DENND4C: variants seen among roughly 807,000 people sequenced by gnomAD.
The protein encoded by DENND4C is DENN domain containing 4C.
In DENND4C, 108 loss-of-function variants were observed where a neutral mutation model predicts 203.0. The observed-to-expected ratio is 0.53, with a 90% CI of 0.46 to 0.62. The LOEUF (loss-of-function observed/expected upper bound fraction) is 0.62. Among genes scored for constraint, DENND4C ranks in the 20% least tolerant of loss-of-function variants. The pLI is 0.00. For missense variants in DENND4C, 2,481 were observed against 2,301.2 expected (o/e 1.08, Z -1.60); for synonymous variants, 871 against 792.4 (o/e 1.10, Z -1.67).
rs751998843 is a variant in DENND4C, at chr9:19,332,138, A to G, written c.2414A>G (p.Asp805Gly). 3.1e-6 allele frequency: 5 copies of G among 1,613,992 alleles called. No individual in the cohort carries two copies. Among genetic ancestry groups the G allele is most frequent in the Non-Finnish European group, 2.5e-6 (3 of 1,179,964 alleles). ...GTCAGAGCACTTCAGCAGGCATATG[A>G]TGTACTTATTAAGATGAGGAAAACA... ...PKVRALQQAY[D>G]VLIKMRKTDV... The change falls in exon 17 of 33, where the codon GAT (aspartate) becomes GGT (glycine). Residue 805 changes from aspartate to glycine, a missense_variant. Around this residue, in one of 3 missense-constraint regions of DENND4C, gnomAD observed 2,289 missense variants for 2,113.3 expected, o/e 1.08. Transcript: ENST00000434457.
chr9:19,292,085 T>A (rs1352900277), intron 5 of DENND4C, among the ~76,000 whole-genome samples: 1 of 151,838 alleles, frequency 6.6e-6, no homozygotes, highest in African/African-American at 2.4e-5. Flanking sequence ...AGTGCAGTGG[T>A]GCGATCTCGG....
intron 16 of DENND4C, among the ~76,000 whole-genome samples, chr9:19,331,267 A>G (rs1015734145): frequency 6.6e-6 from 1 of 151,292 alleles, no homozygotes; most frequent in Non-Finnish European, 1.5e-5. Flanking sequence ...CAGTGGCACA[A>G]TCTCAGCTCA....
At chr9:19,334,845 C>G (rs992337479) in intron 17 of DENND4C, 132 bp from the exon 18 acceptor site, 5 of 925,056 alleles carry the variant, frequency 5.4e-6, no homozygotes, top group Non-Finnish European at 7.7e-6. Context: ...AAATAATTTG[C>G]TAAGATGCTC....
intron 2 of DENND4C, among the ~76,000 whole-genome samples, chr9:19,284,803 C>G (rs936686098): frequency 6.6e-6 from 1 of 151,962 alleles, no homozygotes; most frequent in Non-Finnish European, 1.5e-5. Context: ...GGAAGATGAG[C>G]TTTTTGTGAA....
chr9:19,273,988 A>G (rs1019046337), intron 1 of DENND4C, among the ~76,000 whole-genome samples: 10 of 152,082 alleles, frequency 6.6e-5, no homozygotes, highest in Non-Finnish European at 1.5e-4. Context: ...TGATAGTTTC[A>G]CACGGGAAAT....
In DENND4C at chr9:19,374,185, G is replaced by C. The variant is rs191947037; in HGVS notation, c.*2012G>C. 2.1e-4 allele frequency among the ~76,000 whole-genome samples: 32 copies of C among 152,030 alleles called. No homozygotes were observed. The highest frequency in any genetic ancestry group is 7.0e-4 in the African/African-American group (29 of 41,462). On this transcript the variant is annotated 3_prime_UTR_variant, in exon 33 of 33. Transcript: ENST00000434457. ...GTAATCTTTAGAATCCCAATATTTT[G>C]TTTTTTCCATTCCTTCACTCGTAAC...
intron 1 of DENND4C, among the ~76,000 whole-genome samples, chr9:19,274,062 A>G (rs10964077): frequency 1.3e-5 from 2 of 152,062 alleles, no homozygotes; most frequent in African/African-American, 2.4e-5. Context: ...TCAGTAGAAT[A>G]CCACTCAGTA....
chr9:19,241,269 G>A (rs1823630244), intron 1 of DENND4C, among the ~76,000 whole-genome samples: 1 of 152,090 alleles, frequency 6.6e-6, no homozygotes, highest in African/African-American at 2.4e-5. Context: ...GCTTTAAAAT[G>A]TTTGTTGTTT....
intron 2 of DENND4C, among the ~76,000 whole-genome samples, chr9:19,284,023 G>A (rs986063139): frequency 1.3e-5 from 2 of 151,842 alleles, no homozygotes; most frequent in Admixed American, 1.3e-4. Context: ...TTTCAAACAT[G>A]TGAAAAGTTG....
At chr9:19,360,222 T>C (rs1190932584) in intron 28 of DENND4C, 22 bp from the exon 29 acceptor site, 2 of 1,605,524 alleles carry the variant, frequency 1.2e-6, no homozygotes, top group Non-Finnish European at 1.7e-6. Context: ...TAATATTAAT[T>C]TCTTTTTGTA....
intron 21 of DENND4C, among the ~76,000 whole-genome samples, 166 bp downstream of exon 21, chr9:19,341,280 G>A (rs1275827469): frequency 1.4e-5 from 2 of 147,044 alleles, no homozygotes; most frequent in African/African-American, 2.5e-5. Flanking sequence ...AGTCTCTGAA[G>A]TTTTAAAATT....
At chr9:19,267,498 T>G (rs534504159) in intron 1 of DENND4C, among the ~76,000 whole-genome samples, 5 of 152,306 alleles carry the variant, frequency 3.3e-5, no homozygotes, top group Admixed American at 2.6e-4. Context: ...TGTATCTTTA[T>G]AGGTGAAGTG....
Position 19,357,982 on chromosome 9 carries a change from C to G in DENND4C, c.4982C>G (p.Ala1661Gly), listed in dbSNP as rs1825748600. ...AVEPSDEIKR[A>G]SGDVQTMKIS... The stretch of plus-strand genomic sequence containing the variant: ...TTTTTAAGTGATGAAATAAAGAGAG[C>G]CAGTGGAGATGTCCAAACTATGAAA... The change falls in exon 28 of 33, where the codon GCC becomes GGC. Residue 1661 changes from alanine (A) to glycine (G), a missense_variant. This residue lies in a region of DENND4C where 2,289 missense variants were observed against 2,113.3 expected (regional missense o/e 1.08). Transcript: ENST00000434457. The G allele has an allele frequency of 5.0e-6, 8 of 1,609,214 alleles. No individual in the cohort carries two copies.
intron 12 of DENND4C, among the ~76,000 whole-genome samples, chr9:19,321,191 A>C (rs1256906210): frequency 6.6e-6 from 1 of 152,260 alleles, no homozygotes; most frequent in Non-Finnish European, 1.5e-5. Context: ...CAGAGATTGC[A>C]CTGGAGACAT....
intron 2 of DENND4C, among the ~76,000 whole-genome samples, chr9:19,280,560 G>C (rs1301588460): frequency 4.6e-5 from 7 of 151,776 alleles, no homozygotes; most frequent in Non-Finnish European, 7.4e-5. Flanking sequence ...TTTTCTCTAT[G>C]GTTTCCTTAA....
intron 10 of DENND4C, among the ~76,000 whole-genome samples, chr9:19,311,825 C>T (rs1840794157): frequency 1.3e-5 from 2 of 152,114 alleles, no homozygotes; most frequent in Admixed American, 1.3e-4. Flanking sequence ...TATGCATTCA[C>T]TGCAGTTAGA....
intron 10 of DENND4C, among the ~76,000 whole-genome samples, chr9:19,311,237 C>T (rs1010377642): frequency 2.6e-5 from 4 of 152,082 alleles, no homozygotes; most frequent in Admixed American, 2.6e-4. Flanking sequence ...AATTCTTGTG[C>T]CTCAGCCTTC....
chr9:19,357,050 C>A lies in DENND4C; in HGVS notation c.4860C>A (p.His1620Gln). ...SIPLANESLE[H>Q]KPVSSLAEPD... ...CATTGGCAAATGAATCCTTGGAGCA[C>A]AAACCTGTATCCAGTTTAGCAGAAC... Residue 1620 changes from histidine (H) to glutamine (Q), a missense_variant, in exon 27 of 33, where the codon CAC (histidine) becomes CAA (glutamine). By Grantham distance (24) the His-to-Gln change is conservative. This residue lies in a region of DENND4C where 2,289 missense variants were observed against 2,113.3 expected (regional missense o/e 1.08). Transcript: ENST00000434457. 1 of 1,613,934 alleles carries A rather than the reference C, an allele frequency of 6.2e-7. No homozygotes were observed. Among genetic ancestry groups the A allele is most frequent in the Non-Finnish European group, 8.5e-7 (1 of 1,179,912 alleles).
At chr9:19,242,172 T>C (rs1039901257) in intron 1 of DENND4C, among the ~76,000 whole-genome samples, 2 of 152,204 alleles carry the variant, frequency 1.3e-5, no homozygotes, top group African/African-American at 4.8e-5. Context: ...TGAAATCATA[T>C]AGTATGTAGC....
Sources: allele counts gnomAD v4.1 joint callset (sites outside exome capture counted in the v4.1 genomes callset), GRCh38; gene constraint gnomAD v4.1.1; regional missense constraint gnomAD v4.1.1; transcripts MANE v1.5; gene names NCBI Gene and HGNC (gene_info 2026-07-23, HGNC 2026-07-21).